GPHN: variants seen among roughly 807,000 people sequenced by gnomAD.
GPHN encodes gephyrin.
A neutral mutation model predicts 95.5 loss-of-function variants in GPHN; 17 were observed. The observed-to-expected ratio is 0.18, with a 90% CI of 0.12 to 0.27. The LOEUF (loss-of-function observed/expected upper bound fraction) is 0.27. GPHN is among the 10% of genes least tolerant of loss of function. The probability of loss-of-function intolerance (pLI) is 1.00; values close to 1 mark genes in which losing one functional copy is unlikely to be tolerated. For missense variants in GPHN, 660 were observed against 978.1 expected (o/e 0.67, Z 4.34); for synonymous variants, 320 against 322.5 (o/e 0.99, Z 0.08).
intron 21 of GPHN, among the ~76,000 whole-genome samples, chr14:67,170,019 A>C (rs1233607132): frequency 6.6e-6 from 1 of 152,230 alleles, no homozygotes; most frequent in Non-Finnish European, 1.5e-5. Flanking sequence ...CGGAGGTTGC[A>C]GTGAGCCGAG....
At chr14:67,555,387 G>A in the GPHN span, among the ~76,000 whole-genome samples, 1 of 152,240 alleles carries the variant, frequency 6.6e-6, no homozygotes, top group Non-Finnish European at 1.5e-5. Context: ...TTCTGAGTGG[G>A]GAGAAGTGTT....
At chr14:66,744,475 C>T (rs766998456) in intron 2 of GPHN, among the ~76,000 whole-genome samples, 7 of 152,158 alleles carry the variant, frequency 4.6e-5, no homozygotes, top group African/African-American at 7.2e-5. Context: ...TTCTTTATAG[C>T]ACCCATTCAG....
chr14:66,601,265 C>CT (rs1193897404), intron 1 of GPHN, among the ~76,000 whole-genome samples: 1 of 151,992 alleles, frequency 6.6e-6, no homozygotes, highest in Non-Finnish European at 1.5e-5. Context: ...AAGTGTAGTG[C>CT]TACCAAGATG....
chr14:67,254,889 A>G, the GPHN span, among the ~76,000 whole-genome samples: 23,502 of 152,170 alleles, frequency 0.15, 3,429 homozygotes, highest in East Asian at 0.42. Context: ...AGTGGCTCAC[A>G]CCTGTAATCC....
At chr14:67,524,128 G>C in the GPHN span, among the ~76,000 whole-genome samples, 1 of 152,122 alleles carries the variant, frequency 6.6e-6, no homozygotes, top group African/African-American at 2.4e-5. Flanking sequence ...TCACAACCTT[G>C]GGCTTTTGAT....
At chr14:66,622,849 C>G (rs1402718418) in intron 1 of GPHN, among the ~76,000 whole-genome samples, 2 of 152,186 alleles carry the variant, frequency 1.3e-5, no homozygotes, top group African/African-American at 4.8e-5. Flanking sequence ...CAACAAATCT[C>G]TAGGAAGTTC....
chr14:67,212,755 T>C, the GPHN span, among the ~76,000 whole-genome samples: 1 of 150,572 alleles, frequency 6.6e-6, no homozygotes, highest in South Asian at 2.1e-4. Context: ...AAAGTCTTCT[T>C]TCCTAACAAA....
chr14:66,691,425 C>G (rs2067772888), intron 2 of GPHN, among the ~76,000 whole-genome samples: 1 of 152,044 alleles, frequency 6.6e-6, no homozygotes, highest in Non-Finnish European at 1.5e-5. Context: ...CCCTGTGATT[C>G]ACCTGCCTTG....
intron 5 of GPHN, among the ~76,000 whole-genome samples, chr14:66,885,783 G>A (rs1456066184): frequency 1.3e-5 from 2 of 151,326 alleles, no homozygotes; most frequent in African/African-American, 2.4e-5. Context: ...AAAAGAGAAA[G>A]GCCTTAAGTT....
At chr14:67,156,884 G>A (rs1194824958) in intron 18 of GPHN, among the ~76,000 whole-genome samples, 2 of 151,180 alleles carry the variant, frequency 1.3e-5, no homozygotes, top group Admixed American at 1.3e-4. Flanking sequence ...ACATGCAATC[G>A]TTTGAACCCA....
chr14:67,579,940 G>A, the GPHN span: 2 of 1,447,180 alleles, frequency 1.4e-6, 1 homozygote, highest in South Asian at 2.5e-5. Flanking sequence ...GGTGGGGAAA[G>A]AGCCCATCTG....
chr14:67,671,971 G>C, the GPHN span, among the ~76,000 whole-genome samples: 3 of 152,184 alleles, frequency 2.0e-5, no homozygotes, highest in Non-Finnish European at 2.9e-5. Context: ...GCAAATAAAT[G>C]TCAACATAAG....
At chr14:66,969,166 T>G (rs1326513651) in intron 9 of GPHN, 2 of 152,180 alleles carry the variant, frequency 1.3e-5, no homozygotes, top group Non-Finnish European at 2.9e-5. Context: ...ATTTCTCTTT[T>G]ATATCATATA....
chr14:67,308,506 G>GAGTTTTAGAT, the GPHN span, among the ~76,000 whole-genome samples: 1 of 150,306 alleles, frequency 6.7e-6, no homozygotes, highest in Non-Finnish European at 1.5e-5. Flanking sequence ...TATAGATCCT[G>GAGTTTTAGAT]AGTTTTAGAT....
Position 66,848,518 on chromosome 14 carries a change from A to G in GPHN, c.294+23952A>G, listed in dbSNP as rs572661738. ...TCTGTAGAAAGCTTCTCTTTTACCA[A>G]CAAGAAAACTGGTTTTCAAATTTCT... On this transcript the variant is annotated intron_variant, in intron 4 of 22. Coordinates refer to ENST00000478722, the MANE Select transcript of GPHN (RefSeq NM_020806.5). Among the ~76,000 whole-genome samples the G allele has an allele frequency of 3.3e-5, 5 of 152,230 alleles. No homozygotes were observed. The South Asian group carries it at 1.0e-3, about 32-fold the overall frequency.
intron 10 of GPHN, among the ~76,000 whole-genome samples, chr14:67,039,179 T>C (rs1412260487): frequency 1.3e-5 from 2 of 152,172 alleles, no homozygotes; most frequent in Admixed American, 1.3e-4. Flanking sequence ...TTTCATCCTC[T>C]TCACCTCCAA....
intron 4 of GPHN, among the ~76,000 whole-genome samples, chr14:66,837,291 G>C (rs1399724492): frequency 2.0e-5 from 3 of 151,574 alleles, no homozygotes; most frequent in Non-Finnish European, 4.4e-5. Context: ...CATGTCCTTT[G>C]TAGGGACATG....
the GPHN span, among the ~76,000 whole-genome samples, chr14:67,640,496 T>C: frequency 2.6e-5 from 4 of 152,208 alleles, no homozygotes; most frequent in Admixed American, 1.3e-4. Flanking sequence ...TTATATTTCT[T>C]CAGAATTTTG....
chr14:66,874,498 T>C (rs1321457551), intron 4 of GPHN, among the ~76,000 whole-genome samples: 1 of 152,130 alleles, frequency 6.6e-6, no homozygotes, highest in Non-Finnish European at 1.5e-5. Context: ...GAAAGGAAGC[T>C]AAGAACCTTG....
Sources: gnomAD v4.1 joint callset for allele counts (sites outside exome capture counted in the v4.1 genomes callset) on GRCh38, gnomAD v4.1.1 for gene constraint, MANE v1.5 for transcripts, NCBI Gene and HGNC (gene_info 2026-07-23, HGNC 2026-07-21) for gene names.